CATSPERB: variants seen among roughly 807,000 people sequenced by gnomAD.
CATSPERB encodes catsper channel auxiliary subunit beta.
Under a neutral mutation model 128.3 loss-of-function variants are expected in CATSPERB, and 93 were observed. The observed-to-expected ratio is 0.72, with a 90% CI of 0.61 to 0.86. The LOEUF is 0.86. Ranked by LOEUF, CATSPERB falls within the 40% of genes least tolerant of loss-of-function variation. CATSPERB has a pLI of 0.00. For missense variants in CATSPERB, 1,153 were observed against 1,329.5 expected, an observed-to-expected ratio of 0.87 and a Z score of 2.06; for synonymous variants, 381 against 448.8, an observed-to-expected ratio of 0.85 and a Z score of 1.91.
intron 14 of CATSPERB, among the ~76,000 whole-genome samples, chr14:91,660,228 G>C (rs901190937): frequency 6.6e-6 from 1 of 151,734 alleles, no homozygotes; most frequent in African/African-American, 2.4e-5. Flanking sequence ...GCAGAGTACC[G>C]GTCTACACAA....
At chr14:91,651,476 C>A (rs1375252109) in intron 15 of CATSPERB, among the ~76,000 whole-genome samples, 1 of 152,236 alleles carries the variant, frequency 6.6e-6, no homozygotes, top group Non-Finnish European at 1.5e-5. Context: ...CCTTGTAAAG[C>A]TTCTTCAGGT....
At chr14:91,664,259 CTTTTTTTTTT>C (rs750623098) in intron 14 of CATSPERB, among the ~76,000 whole-genome samples, 4 of 115,696 alleles carry the variant, frequency 3.5e-5, no homozygotes, top group East Asian at 2.6e-4. Context: ...TCTTCCATGT[CTTTTTTTTTT>C]TTTTTTTTTT....
intron 13 of CATSPERB, among the ~76,000 whole-genome samples, 161 bp downstream of exon 13, chr14:91,672,706 C>T (rs141733875): frequency 6.6e-6 from 1 of 152,324 alleles, no homozygotes; most frequent in African/African-American, 2.4e-5. Context: ...TGAGAAATCT[C>T]TAAAGTGTCA....
intron 25 of CATSPERB, among the ~76,000 whole-genome samples, chr14:91,587,762 A>G (rs1055114555): frequency 6.6e-5 from 10 of 152,106 alleles, no homozygotes; most frequent in Non-Finnish European, 1.5e-4. Context: ...GCTAGATAAT[A>G]TGGCTTGCCT....
At chr14:91,672,307 A>G (rs1895111270) in intron 13 of CATSPERB, among the ~76,000 whole-genome samples, 1 of 152,038 alleles carries the variant, frequency 6.6e-6, no homozygotes, top group South Asian at 2.1e-4. Context: ...GTTTTCTCAG[A>G]CTGGATTTTG....
intron 15 of CATSPERB, among the ~76,000 whole-genome samples, chr14:91,659,253 T>C (rs759204664): frequency 6.6e-6 from 1 of 152,236 alleles, no homozygotes; most frequent in Non-Finnish European, 1.5e-5. Flanking sequence ...CTACATTATA[T>C]GTGTCAAAAT....
intron 19 of CATSPERB, among the ~76,000 whole-genome samples, chr14:91,620,025 C>T (rs1475191075): frequency 1.3e-5 from 2 of 151,896 alleles, no homozygotes; most frequent in Non-Finnish European, 2.9e-5. Context: ...CATGAGACAC[C>T]ATGCTTGACC....
chr14:91,652,266 A>G (rs1394013319), intron 15 of CATSPERB, among the ~76,000 whole-genome samples: 3 of 152,184 alleles, frequency 2.0e-5, no homozygotes. Flanking sequence ...TCAAAACTTC[A>G]TTCAAAAAAG....
chr14:91,588,692 C>T (rs969706885), intron 24 of CATSPERB, among the ~76,000 whole-genome samples: 5 of 152,124 alleles, frequency 3.3e-5, no homozygotes, highest in African/African-American at 1.2e-4. Flanking sequence ...AATACTCTCA[C>T]CCTGACTAAT....
Position 91,665,723 on chromosome 14 carries a change from A to C in CATSPERB, c.1287+4091T>G, listed in dbSNP as rs139788791. The stretch of plus-strand genomic sequence containing the variant: ...CCTCTTTACTAAAAATACAAAAATT[A>C]GCTGGGTGTGGTGGCAGGTGCCTGT... On this transcript the variant is annotated intron_variant, in intron 14 of 26. Transcript: ENST00000256343. 1.8e-3 allele frequency among the ~76,000 whole-genome samples: 269 copies of C among 152,148 alleles called. 1 individual carries two copies. The highest frequency in any genetic ancestry group is 4.4e-3 in the South Asian group (21 of 4,810).
At chr14:91,685,693 C>A (rs1424365166) in intron 10 of CATSPERB, among the ~76,000 whole-genome samples, 1 of 152,120 alleles carries the variant, frequency 6.6e-6, no homozygotes, top group East Asian at 1.9e-4. Context: ...AGTTGAAATT[C>A]TCTAAGTGAA....
chr14:91,727,279 A>G (rs1382083317), intron 2 of CATSPERB, among the ~76,000 whole-genome samples: 3 of 152,156 alleles, frequency 2.0e-5, no homozygotes, highest in African/African-American at 7.2e-5. Flanking sequence ...CATATTCCCC[A>G]GAGTTTATTG....
At chr14:91,668,402 G>T (rs551316067) in intron 14 of CATSPERB, among the ~76,000 whole-genome samples, 1 of 152,274 alleles carries the variant, frequency 6.6e-6, no homozygotes, top group South Asian at 2.1e-4. Context: ...CTAAAGGATT[G>T]TAAACGCACC....
intron 22 of CATSPERB, among the ~76,000 whole-genome samples, chr14:91,607,437 T>C (rs1195546858): frequency 6.6e-6 from 1 of 151,932 alleles, no homozygotes; most frequent in Non-Finnish European, 1.5e-5. Flanking sequence ...AGAAAAGCAT[T>C]CCACACAGAG....
intron 22 of CATSPERB, among the ~76,000 whole-genome samples, chr14:91,602,056 T>G (rs1893615759): frequency 6.6e-6 from 1 of 152,180 alleles, no homozygotes; most frequent in African/African-American, 2.4e-5. Flanking sequence ...GATGTCAAAG[T>G]TATTACAGTG....
Position 91,636,595 on chromosome 14 carries a change from A to G in CATSPERB, c.1588-16T>C, listed in dbSNP as rs781207651. On this transcript the variant is annotated splice_polypyrimidine_tract_variant and intron_variant, in intron 16 of 26. Coordinates refer to ENST00000256343, the MANE Select transcript of CATSPERB (RefSeq NM_024764.4). ...TATCTGGAGGCTGGAAACAGAGAAAAGAAAATATTATATTTAAACTACTTT... is the reference window on the plus strand; with the variant it reads ...TATCTGGAGGCTGGAAACAGAGAAAGGAAAATATTATATTTAAACTACTTT... The G allele has an allele frequency of 7.5e-6, 12 of 1,593,056 alleles. No individual in the cohort carries two copies. The highest frequency in any genetic ancestry group is 7.7e-6 in the Non-Finnish European group (9 of 1,170,918).
intron 15 of CATSPERB, among the ~76,000 whole-genome samples, chr14:91,641,475 C>T (rs1015421341): frequency 2.6e-5 from 4 of 152,060 alleles, no homozygotes; most frequent in Admixed American, 1.3e-4. Flanking sequence ...AATCCTTTCC[C>T]CATTGCTTGT....
intron 14 of CATSPERB, among the ~76,000 whole-genome samples, chr14:91,664,940 A>C (rs1894954370): frequency 6.6e-6 from 1 of 152,188 alleles, no homozygotes; most frequent in South Asian, 2.1e-4. Flanking sequence ...CCCAGGTTGG[A>C]GTGCAATGGC....
intron 5 of CATSPERB, among the ~76,000 whole-genome samples, chr14:91,715,286 G>T (rs898515464): frequency 3.3e-5 from 5 of 152,088 alleles, no homozygotes; most frequent in Admixed American, 2.6e-4. Context: ...TCCCAGCAAG[G>T]CATGGTGGTT....
Sources: gnomAD v4.1 joint callset for allele counts (sites outside exome capture counted in the v4.1 genomes callset) on GRCh38, gnomAD v4.1.1 for gene constraint, MANE v1.5 for transcripts, NCBI Gene and HGNC (gene_info 2026-07-23, HGNC 2026-07-21) for gene names.